The following CACNG5 variants were observed in gnomAD, a reference collection of about 807,000 sequenced individuals.
CACNG5 encodes the protein voltage-dependent calcium channel gamma-5 subunit.
In CACNG5, 18 loss-of-function variants were observed where a neutral mutation model predicts 24.8. That is an observed-to-expected ratio of 0.73 (90% CI 0.50 to 1.08). CACNG5 has a LOEUF of 1.08. CACNG5 is among the 50% of genes least tolerant of loss of function. CACNG5 has a pLI of 0.00. For missense variants in CACNG5, 349 were observed against 367.9 expected, an observed-to-expected ratio of 0.95 and a Z score of 0.42; for synonymous variants, 157 against 149.1, an observed-to-expected ratio of 1.05 and a Z score of -0.39.
chr17:66,856,630 C>T lies in CACNG5; in HGVS notation c.-103-20600C>T, dbSNP rs941198116. On this transcript the variant is annotated intron_variant, in intron 1 of 5. Transcript: ENST00000533854. ...TATCTCGGCTCACTGCAATCTCCGC[C>T]GCCCAGGTTCAAGCAATTCTCCTGT... is the stretch of plus-strand genomic sequence containing the variant. Among the ~76,000 whole-genome samples the T allele has an allele frequency of 2.0e-5, 3 of 151,830 alleles. No individual in the cohort carries two copies. In the East Asian group the frequency reaches 5.8e-4, roughly 29 times the overall value.
intron 1 of CACNG5, among the ~76,000 whole-genome samples, chr17:66,866,345 G>A (rs1385719870): frequency 1.3e-5 from 2 of 152,148 alleles, no homozygotes; most frequent in Non-Finnish European, 2.9e-5. Context: ...TGTGATCATA[G>A]CATAACCTCG....
intron 1 of CACNG5, among the ~76,000 whole-genome samples, chr17:66,840,024 C>T (rs748678704): frequency 6.6e-6 from 1 of 152,208 alleles, no homozygotes; most frequent in Non-Finnish European, 1.5e-5. Context: ...CAAATCCCAG[C>T]ACAGTCTCTT....
intron 1 of CACNG5, among the ~76,000 whole-genome samples, chr17:66,838,604 G>A (rs1976516472): frequency 6.6e-6 from 1 of 151,586 alleles, no homozygotes; most frequent in African/African-American, 2.4e-5. Context: ...GGCAGAGCCT[G>A]GACCAAAAGA....
intron 1 of CACNG5, among the ~76,000 whole-genome samples, chr17:66,853,685 A>G (rs193160334): frequency 1.1e-4 from 16 of 152,358 alleles, no homozygotes; most frequent in Admixed American, 6.5e-4. Context: ...ATCTATAAAT[A>G]TAATTGAAAT....
At chr17:66,856,070 ACT>A (rs1372025901) in intron 1 of CACNG5, among the ~76,000 whole-genome samples, 1 of 152,094 alleles carries the variant, frequency 6.6e-6, no homozygotes, top group Non-Finnish European at 1.5e-5. Flanking sequence ...AGTTCCTATA[ACT>A]CTTCTTTGCA....
intron 4 of CACNG5, among the ~76,000 whole-genome samples, chr17:66,884,241 T>C (rs780876459): frequency 6.6e-6 from 1 of 151,980 alleles, no homozygotes; most frequent in Non-Finnish European, 1.5e-5. Flanking sequence ...GTGACAGATA[T>C]GCACAGCAGG....
At chr17:66,839,236 A>T (rs187497525) in intron 1 of CACNG5, among the ~76,000 whole-genome samples, 1 of 152,010 alleles carries the variant, frequency 6.6e-6, no homozygotes, top group Non-Finnish European at 1.5e-5. Flanking sequence ...CTGGGATTAC[A>T]GGCGTGAGCC....
intron 1 of CACNG5, among the ~76,000 whole-genome samples, chr17:66,860,131 T>C (rs969375525): frequency 7.2e-5 from 11 of 152,170 alleles, no homozygotes; most frequent in African/African-American, 2.7e-4. Flanking sequence ...CAAGCTTACC[T>C]ATGCAACCCC....
intron 1 of CACNG5, among the ~76,000 whole-genome samples, chr17:66,840,217 C>G (rs1164286226): frequency 6.6e-6 from 1 of 152,232 alleles, no homozygotes; most frequent in East Asian, 1.9e-4. Flanking sequence ...CCCTCCCAAT[C>G]CGCCCAGCCA....
At chr17:66,884,802 C>T (rs968327836) in intron 5 of CACNG5, 141 bp downstream of exon 5, 1 of 1,613,348 alleles carries the variant, frequency 6.2e-7, no homozygotes, top group Non-Finnish European at 8.5e-7. Context: ...CTTCCTCATC[C>T]CAGAATGTGT....
At chr17:66,839,230 G>A (rs1976529540) in intron 1 of CACNG5, among the ~76,000 whole-genome samples, 1 of 151,894 alleles carries the variant, frequency 6.6e-6, no homozygotes, top group Non-Finnish European at 1.5e-5. Flanking sequence ...AAAGTGCTGG[G>A]ATTACAGGCG....
chr17:66,850,321 A>G (rs1292797049), intron 1 of CACNG5, among the ~76,000 whole-genome samples: 1 of 152,176 alleles, frequency 6.6e-6, no homozygotes, highest in East Asian at 1.9e-4. Context: ...TCAGTTGTCC[A>G]TTAAACGATG....
intron 1 of CACNG5, among the ~76,000 whole-genome samples, chr17:66,870,558 G>A (rs531128446): frequency 6.6e-6 from 1 of 152,200 alleles, no homozygotes; most frequent in Admixed American, 6.5e-5. Flanking sequence ...GGGCCGAGGT[G>A]GAGAAACCCT....
intron 2 of CACNG5, among the ~76,000 whole-genome samples, chr17:66,878,220 A>G (rs1391990724): frequency 1.3e-5 from 2 of 152,228 alleles, no homozygotes; most frequent in Non-Finnish European, 2.9e-5. Flanking sequence ...CAGCCTGCAC[A>G]AGAAAAGCAT....
At chr17:66,854,516 A>G (rs140901702) in intron 1 of CACNG5, among the ~76,000 whole-genome samples, 1,991 of 151,772 alleles carry the variant, frequency 0.013, 47 homozygotes, top group African/African-American at 0.046. Flanking sequence ...AACATGGTGA[A>G]ACCCCATCTC....
chr17:66,866,623 C>T (rs1266089564), intron 1 of CACNG5, among the ~76,000 whole-genome samples: 1 of 152,110 alleles, frequency 6.6e-6, no homozygotes, highest in Non-Finnish European at 1.5e-5. Flanking sequence ...CTGCCCACTG[C>T]CTCCTGCACT....
Position 66,886,181 on chromosome 17 carries a change from T to G in CACNG5, c.*941T>G, listed in dbSNP as rs1012789455. Among the ~76,000 whole-genome samples, 2 of 152,220 alleles carry G rather than the reference T, an allele frequency of 1.3e-5. No homozygotes were observed. Among genetic ancestry groups the G allele is most frequent in the African/African-American group, 2.4e-5 (1 of 41,460 alleles). ...AGATGGAATCTTGTAGACATCTGTC[T>G]AAACCACCTAAGTGGAAGGTTGCCT... On this transcript the variant is annotated 3_prime_UTR_variant, in exon 6 of 6. Coordinates refer to ENST00000533854, the MANE Select transcript of CACNG5 (RefSeq NM_145811.3).
At chr17:66,839,859 T>G (rs908727277) in intron 1 of CACNG5, among the ~76,000 whole-genome samples, 13 of 152,008 alleles carry the variant, frequency 8.6e-5, no homozygotes, top group African/African-American at 3.1e-4. Flanking sequence ...TCCTGTCGGG[T>G]AAGTGTTATT....
chr17:66,844,389 T>C (rs1976609061), intron 1 of CACNG5, among the ~76,000 whole-genome samples: 1 of 152,208 alleles, frequency 6.6e-6, no homozygotes, highest in Non-Finnish European at 1.5e-5. Context: ...TTTACCTCTT[T>C]GAGCCTCAGC....
Sources: gnomAD v4.1 joint callset for allele counts (sites outside exome capture counted in the v4.1 genomes callset) on GRCh38, gnomAD v4.1.1 for gene constraint, MANE v1.5 for transcripts, NCBI Gene and HGNC (gene_info 2026-07-23, HGNC 2026-07-21) for gene names.